APBB1IP: variants seen among roughly 807,000 people sequenced by gnomAD.
APBB1IP encodes the protein amyloid beta precursor protein binding family B member 1 interacting protein, also known as amyloid beta A4 precursor protein-binding family B member 1-interacting protein.
A neutral mutation model predicts 64.9 loss-of-function variants in APBB1IP; 27 were observed. The ratio of observed to expected loss-of-function variants is 0.42; its 90% CI spans 0.31 to 0.57. The LOEUF (loss-of-function observed/expected upper bound fraction) is 0.57. APBB1IP is among the 20% of genes least tolerant of loss of function. The probability of loss-of-function intolerance (pLI) is 0.20; values close to 1 mark genes in which losing one functional copy is unlikely to be tolerated. For missense variants in APBB1IP, 812 were observed against 845.5 expected, an observed-to-expected ratio of 0.96 and a Z score of 0.49; for synonymous variants, 392 against 331.0, an observed-to-expected ratio of 1.18 and a Z score of -2.00.
intron 2 of APBB1IP, among the ~76,000 whole-genome samples, chr10:26,465,762 C>G (rs926513582): frequency 1.3e-5 from 2 of 152,114 alleles, no homozygotes; most frequent in African/African-American, 4.8e-5. Context: ...CTTCTCAGAG[C>G]CTTCATTTCT....
At chr10:26,503,347 A>T in intron 6 of APBB1IP, 73 bp downstream of exon 6, 1 of 1,528,940 alleles carries the variant, frequency 6.5e-7, no homozygotes, top group Non-Finnish European at 9.0e-7. Context: ...GATAAAAAAC[A>T]AAATAAAGCC....
intron 6 of APBB1IP, among the ~76,000 whole-genome samples, chr10:26,503,496 G>A (rs775717791): frequency 6.6e-5 from 10 of 152,056 alleles, no homozygotes; most frequent in Non-Finnish European, 1.3e-4. Flanking sequence ...TTAGCTGGGC[G>A]TGGTGGCAGG....
At chr10:26,496,732 G>A (rs1021356502) in intron 4 of APBB1IP, among the ~76,000 whole-genome samples, 2 of 151,622 alleles carry the variant, frequency 1.3e-5, no homozygotes, top group African/African-American at 4.8e-5. Context: ...TCCCTTCAGT[G>A]ATAGAAATCA....
chr10:26,439,513 T>C (rs372289344), intron 2 of APBB1IP, among the ~76,000 whole-genome samples: 38 of 152,356 alleles, frequency 2.5e-4, no homozygotes, highest in African/African-American at 9.1e-4. Flanking sequence ...TTTTACAGAA[T>C]GGAGGAAACT....
intron 11 of APBB1IP, among the ~76,000 whole-genome samples, chr10:26,558,874 C>A (rs1836930709): frequency 6.6e-6 from 1 of 152,174 alleles, no homozygotes; most frequent in African/African-American, 2.4e-5. Context: ...TCCTTCTTCT[C>A]TTTGTGAGCT....
At chr10:26,479,863 G>A (rs986664669) in intron 2 of APBB1IP, among the ~76,000 whole-genome samples, 3 of 152,218 alleles carry the variant, frequency 2.0e-5, no homozygotes, top group African/African-American at 7.2e-5. Flanking sequence ...GCTCTAGATG[G>A]TAATGCCTCC....
intron 2 of APBB1IP, among the ~76,000 whole-genome samples, chr10:26,448,412 A>C (rs1835425504): frequency 6.6e-6 from 1 of 152,222 alleles, no homozygotes; most frequent in East Asian, 1.9e-4. Flanking sequence ...TTTCACACTT[A>C]CTGCACATCT....
intron 10 of APBB1IP, among the ~76,000 whole-genome samples, chr10:26,536,651 G>T (rs1379453509): frequency 6.6e-6 from 1 of 150,848 alleles, no homozygotes. Context: ...GGGTACAGTG[G>T]CATGATCTGG....
At chr10:26,464,111 G>A (rs1455512482) in intron 2 of APBB1IP, among the ~76,000 whole-genome samples, 1 of 152,064 alleles carries the variant, frequency 6.6e-6, no homozygotes, top group Non-Finnish European at 1.5e-5. Context: ...ATCCATACTG[G>A]ACTCCACATT....
chr10:26,456,921 C>G (rs1268464895), intron 2 of APBB1IP, among the ~76,000 whole-genome samples: 2 of 152,030 alleles, frequency 1.3e-5, no homozygotes, highest in Non-Finnish European at 2.9e-5. Flanking sequence ...GGGACAAGTT[C>G]AAGGGCATTA....
chr10:26,469,978 AC>A (rs1835697464), intron 2 of APBB1IP, among the ~76,000 whole-genome samples: 1 of 151,914 alleles, frequency 6.6e-6, no homozygotes, highest in Non-Finnish European at 1.5e-5. Flanking sequence ...ACCAACAACA[AC>A]CCCAACCAAC....
chr10:26,560,250 C>A (rs1325075118), intron 12 of APBB1IP, 47 bp downstream of exon 12: 1 of 1,546,762 alleles, frequency 6.5e-7, no homozygotes, highest in Admixed American at 1.7e-5. Flanking sequence ...TGCCAGCCAA[C>A]TTCCTGACCT....
At chr10:26,457,635 A>G (rs1835542045) in intron 2 of APBB1IP, among the ~76,000 whole-genome samples, 1 of 152,232 alleles carries the variant, frequency 6.6e-6, no homozygotes, top group South Asian at 2.1e-4. Flanking sequence ...GGACCTGGGA[A>G]CAGGCTGAAG....
In APBB1IP at chr10:26,501,397, T is replaced by C. The variant is rs1588589619; in HGVS notation, c.453+286T>C. 4 of 544,706 alleles carry C rather than the reference T, an allele frequency of 7.3e-6. No homozygotes were observed. The East Asian group carries it at 1.1e-4, about 15-fold the overall frequency. The allele number at this position is 544,706 out of a possible 1,614,324, so 33.7% of individuals were successfully genotyped here. ...ATAAAACTCAATCTTTTGGGGGAAA[T>C]GTTTTATTAACATCATATTGAAATG... is the stretch of plus-strand genomic sequence containing the variant. On this transcript the variant is annotated intron_variant, in intron 5 of 14. Coordinates refer to ENST00000376236, the MANE Select transcript of APBB1IP (RefSeq NM_019043.4).
chr10:26,501,099 A>T lies in APBB1IP; in HGVS notation c.441A>T (p.Glu147Asp), dbSNP rs1285911822. Reference sequence around the variant, plus strand: ...TTCCACTGCCACCACCACCTCCTGAACCTCTCTCTCAGGTAAGTATGTGGG... The same window carrying T: ...TTCCACTGCCACCACCACCTCCTGATCCTCTCTCTCAGGTAAGTATGTGGG... The part of the protein sequence containing the change: ...LDLPLPPPPP[E>D]PLSQEEEEAQ... The change falls in exon 5 of 15, where the codon GAA (glutamate) becomes GAT (aspartate). Residue 147 changes from glutamate to aspartate, a missense_variant. This residue lies in a region of APBB1IP where 394 missense variants were observed against 413.1 expected (regional missense o/e 0.95). Coordinates refer to ENST00000376236, the MANE Select transcript of APBB1IP (RefSeq NM_019043.4). 1 of 1,613,960 alleles carries T rather than the reference A, an allele frequency of 6.2e-7. No homozygotes were observed. The highest frequency in any genetic ancestry group is 8.5e-7 in the Non-Finnish European group (1 of 1,179,970).
chr10:26,520,878 A>T (rs1836393630), intron 8 of APBB1IP, among the ~76,000 whole-genome samples: 1 of 152,230 alleles, frequency 6.6e-6, no homozygotes. Flanking sequence ...GTTTGATCTC[A>T]ACTGAAATTC....
intron 2 of APBB1IP, among the ~76,000 whole-genome samples, chr10:26,460,537 C>T (rs1404909395): frequency 2.0e-5 from 3 of 152,066 alleles, no homozygotes; most frequent in Non-Finnish European, 1.5e-5. Flanking sequence ...ATAGCAAAGA[C>T]ATGGAATCAG....
intron 2 of APBB1IP, among the ~76,000 whole-genome samples, chr10:26,470,692 A>G (rs1835705773): frequency 6.6e-6 from 1 of 152,166 alleles, no homozygotes; most frequent in African/African-American, 2.4e-5. Flanking sequence ...GATATTTTCA[A>G]TTTACGATGG....
intron 13 of APBB1IP, 57 bp from the exon 14 acceptor site, chr10:26,562,269 T>C: frequency 7.6e-7 from 1 of 1,323,702 alleles, no homozygotes; most frequent in Non-Finnish European, 1.1e-6. Context: ...CAGATCGACT[T>C]TCAAGAATGT....
Sources: gnomAD v4.1 joint callset for allele counts (sites outside exome capture counted in the v4.1 genomes callset) on GRCh38, gnomAD v4.1.1 for gene constraint, gnomAD v4.1.1 regional missense constraint, MANE v1.5 for transcripts, NCBI Gene and HGNC (gene_info 2026-07-23, HGNC 2026-07-21) for gene names.